The following ABCB1 variants were observed in gnomAD, a reference collection of about 807,000 sequenced individuals.
ABCB1 encodes the protein ATP binding cassette subfamily B member 1.
A neutral mutation model predicts 142.0 loss-of-function variants in ABCB1; 69 were observed. The observed-to-expected ratio is 0.49, with a 90% CI of 0.40 to 0.59. The LOEUF is 0.59. Among genes scored for constraint, ABCB1 ranks in the 20% least tolerant of loss-of-function variants. The pLI, the probability that ABCB1 is intolerant of heterozygous loss-of-function variation, is 0.00. For synonymous variants in ABCB1, 532 were observed against 539.2 expected, an observed-to-expected ratio of 0.99 and a Z score of 0.18; for missense variants, 1,326 against 1,554.7, an observed-to-expected ratio of 0.85 and a Z score of 2.47.
chr7:87,550,231 G>A lies in ABCB1; in HGVS notation c.1290C>T (p.Gly430=), dbSNP rs1816991351. The A allele has an allele frequency of 6.2e-7, 1 of 1,614,058 alleles. No homozygotes were observed. The highest frequency in any genetic ancestry group is 8.5e-7 in the Non-Finnish European group (1 of 1,180,050). ...GCTGGACTGTTGTGCTCTTCCCACA[G>A]CCACTGTTTCCAACCAGGGCCACCG... ...GQTVALVGNS[G]CGKSTTVQLM... Residue 430 remains glycine, a synonymous_variant, in exon 12 of 28, where the codon GGC becomes GGT. Transcript: ENST00000622132.
At chr7:87,639,102 A>G (rs1373058918) in intron 1 of ABCB1, among the ~76,000 whole-genome samples, 1 of 145,884 alleles carries the variant, frequency 6.9e-6, no homozygotes, top group Non-Finnish European at 1.5e-5. Flanking sequence ...CAGTGAGAAG[A>G]GACGGCACAC....
chr7:87,627,597 C>T (rs950482329), intron 1 of ABCB1: 3 of 152,248 alleles, frequency 2.0e-5, no homozygotes, highest in Admixed American at 6.5e-5. Flanking sequence ...AGCTGGGACC[C>T]TCCTGCAGGT....
At chr7:87,540,978 G>A (rs2129643171) in intron 18 of ABCB1, among the ~76,000 whole-genome samples, 1 of 152,202 alleles carries the variant, frequency 6.6e-6, no homozygotes, top group South Asian at 2.1e-4. Flanking sequence ...TTGTTTGTTT[G>A]TTGTTGCTTT....
At chr7:87,640,338 T>C (rs1822302634) in intron 1 of ABCB1, among the ~76,000 whole-genome samples, 7 of 151,892 alleles carry the variant, frequency 4.6e-5, no homozygotes, top group Admixed American at 4.6e-4. Context: ...TTGGTTATTA[T>C]CTTCTTTTTA....
intron 25 of ABCB1, among the ~76,000 whole-genome samples, chr7:87,512,959 A>T (rs1225269931): frequency 5.9e-5 from 9 of 152,200 alleles, no homozygotes; most frequent in Admixed American, 5.9e-4. Context: ...TAGAAGGCTA[A>T]AAACTATTTC....
chr7:87,711,688 T>C (rs985937340), intron 1 of ABCB1, among the ~76,000 whole-genome samples: 3 of 152,226 alleles, frequency 2.0e-5, no homozygotes, highest in African/African-American at 7.2e-5. Context: ...TAATTAATAT[T>C]ACATAAAATT....
intron 18 of ABCB1, among the ~76,000 whole-genome samples, 194 bp downstream of exon 18, chr7:87,541,163 G>A (rs1351403895): frequency 5.3e-5 from 8 of 152,120 alleles, no homozygotes; most frequent in African/African-American, 1.9e-4. Context: ...GGTAAGGGTG[G>A]AGAGGAGAAG....
chr7:87,654,657 T>C (rs1823904718), intron 1 of ABCB1, among the ~76,000 whole-genome samples: 2 of 152,086 alleles, frequency 1.3e-5, no homozygotes, highest in Non-Finnish European at 1.5e-5. Context: ...CTCCATGACA[T>C]TGGTCTGGGT....
At chr7:87,575,996 C>T (rs954201154) in intron 4 of ABCB1, among the ~76,000 whole-genome samples, 1 of 152,140 alleles carries the variant, frequency 6.6e-6, no homozygotes, top group Admixed American at 6.5e-5. Flanking sequence ...ATTATGGCCA[C>T]ATTAATTCAA....
chr7:87,626,781 A>C (rs1005546621), intron 1 of ABCB1, among the ~76,000 whole-genome samples: 1 of 146,992 alleles, frequency 6.8e-6, no homozygotes, highest in African/African-American at 2.5e-5. Context: ...TGTCAGAGAG[A>C]GAGAGAGAGA....
chr7:87,511,274 A>C (rs188534131), intron 25 of ABCB1, among the ~76,000 whole-genome samples: 335 of 152,292 alleles, frequency 2.2e-3, no homozygotes, highest in Non-Finnish European at 3.3e-3. Flanking sequence ...GGTCTGAGGA[A>C]AGACCAAGGA....
chr7:87,566,050 G>A lies in ABCB1; in HGVS notation c.702+20C>T. 1.9e-6 allele frequency: 3 copies of A among 1,614,024 alleles called. No homozygotes were observed. The highest frequency in any genetic ancestry group is 1.7e-6 in the Non-Finnish European group (2 of 1,179,914). ...GGGAGAAGGTGCAGTTCAAAATCTG[G>A]ATTCACAGGCTTCACCTACCTTTGC... On this transcript the variant is annotated intron_variant, in intron 7 of 27. Coordinates refer to ENST00000622132, the MANE Select transcript of ABCB1 (RefSeq NM_001348946.2).
intron 1 of ABCB1, among the ~76,000 whole-genome samples, chr7:87,664,919 T>C (rs1022234353): frequency 9.9e-5 from 15 of 152,082 alleles, no homozygotes; most frequent in African/African-American, 3.4e-4. Context: ...TTAATAAAAA[T>C]TCTCAACAAT....
chr7:87,543,192 G>A (rs1296354770), intron 17 of ABCB1, among the ~76,000 whole-genome samples: 1 of 152,126 alleles, frequency 6.6e-6, no homozygotes, highest in Non-Finnish European at 1.5e-5. Context: ...TACACAGGAG[G>A]CTGAGGCAGG....
intron 25 of ABCB1, among the ~76,000 whole-genome samples, chr7:87,513,571 C>T (rs967416328): frequency 2.6e-5 from 4 of 152,150 alleles, no homozygotes; most frequent in African/African-American, 9.7e-5. Flanking sequence ...GAGTTCTCAT[C>T]AGAGAAGTTT....
At chr7:87,508,696 T>C (rs1457420817) in intron 26 of ABCB1, among the ~76,000 whole-genome samples, 2 of 152,172 alleles carry the variant, frequency 1.3e-5, no homozygotes, top group Non-Finnish European at 2.9e-5. Context: ...GTCACTTTAA[T>C]GGTTCAACCC....
At position 87,626,359 on chromosome 7, in the gene ABCB1, CAT is replaced by C. The variant is rs1315650468; in HGVS notation, c.-330-25283_-330-25282del. Among the ~76,000 whole-genome samples the C allele has an allele frequency of 4.8e-3, 112 of 23,394 alleles. 15 individuals are homozygous for C. The highest frequency in any genetic ancestry group is 0.015 in the East Asian group (1 of 66). 15.3% of individuals were successfully genotyped at this position (23,394 alleles called of 152,430 possible). ...TCGTATATGTGTCATATATATGTGT[CAT>C]ATATATGTGTCATATGTATGTGTCA... On this transcript the variant is annotated intron_variant, in intron 1 of 28. Coordinates refer to the ABCB1 transcript ENST00000265724.
rs775250627 is a variant in ABCB1, at chr7:87,539,258, A to T, written c.2397+10T>A. The T allele has an allele frequency of 2.4e-5, 39 of 1,613,472 alleles. No homozygotes were observed. Among genetic ancestry groups the T allele is most frequent in the Non-Finnish European group, 3.0e-5 (35 of 1,179,698 alleles). The stretch of plus-strand genomic sequence containing the variant: ...TACACATCCCAGGGCACAGCCCTCG[A>T]TAGACATACCTGTCTGAGCATGGAT... On this transcript the variant is annotated intron_variant, in intron 19 of 27. Transcript: ENST00000622132.
intron 1 of ABCB1, among the ~76,000 whole-genome samples, chr7:87,671,165 C>T (rs75910150): frequency 0.048 from 7,328 of 152,244 alleles, 264 homozygotes; most frequent in East Asian, 0.09. Context: ...TGTCTAGTCA[C>T]AAGCACTGTG....
Sources: gnomAD v4.1 joint callset for allele counts (sites outside exome capture counted in the v4.1 genomes callset) on GRCh38, gnomAD v4.1.1 for gene constraint, MANE v1.5 for transcripts, NCBI Gene and HGNC (gene_info 2026-07-23, HGNC 2026-07-21) for gene names.